Variants in PDCD10 observed in about 807,000 individuals in gnomAD.
PDCD10 encodes the protein programmed cell death 10.
In PDCD10, 4 loss-of-function variants were observed where a neutral mutation model predicts 29.2. The ratio of observed to expected loss-of-function variants is 0.14; its 90% confidence interval spans 0.07 to 0.31. PDCD10 has a LOEUF of 0.31. PDCD10 is among the 10% of genes least tolerant of loss of function. The pLI is 1.00. For synonymous variants in PDCD10, 70 were observed against 82.2 expected (o/e 0.85, Z 0.80); for missense variants, 183 against 257.9 (o/e 0.71, Z 1.99).
chr3:167,689,715 G>A (rs1327646438), intron 6 of PDCD10, among the ~76,000 whole-genome samples: 1 of 152,092 alleles, frequency 6.6e-6, no homozygotes, highest in Non-Finnish European at 1.5e-5. Context: ...TGATGAGTCA[G>A]GTTTGAAAAC....
At chr3:167,715,694 A>G (rs1722936398) in intron 3 of PDCD10, among the ~76,000 whole-genome samples, 1 of 152,092 alleles carries the variant, frequency 6.6e-6, no homozygotes, top group South Asian at 2.1e-4. Context: ...AGAAATGAAA[A>G]TCAAAACTAC....
chr3:167,709,672 A>C (rs1722336285), intron 3 of PDCD10, among the ~76,000 whole-genome samples: 1 of 152,190 alleles, frequency 6.6e-6, no homozygotes, highest in South Asian at 2.1e-4. Flanking sequence ...CAAGGACTGC[A>C]ATTCCTGGAC....
chr3:167,730,195 C>T (rs752668440), intron 2 of PDCD10, among the ~76,000 whole-genome samples: 4 of 151,312 alleles, frequency 2.6e-5, no homozygotes, highest in Non-Finnish European at 5.9e-5. Flanking sequence ...AATAAATGTG[C>T]TTTCATTTTT....
At chr3:167,684,628 T>C (rs1270633219) in intron 8 of PDCD10, among the ~76,000 whole-genome samples, 1 of 152,120 alleles carries the variant, frequency 6.6e-6, no homozygotes, top group Non-Finnish European at 1.5e-5. Flanking sequence ...CTGCTAATGA[T>C]AGTGCCTCAA....
chr3:167,727,900 C>A (rs1724374456), intron 2 of PDCD10, among the ~76,000 whole-genome samples: 1 of 152,190 alleles, frequency 6.6e-6, no homozygotes. Context: ...ACTATTAGCC[C>A]CAGACAATAA....
chr3:167,693,013 A>T (rs1181548161), intron 6 of PDCD10, among the ~76,000 whole-genome samples: 1 of 152,202 alleles, frequency 6.6e-6, no homozygotes, highest in Non-Finnish European at 1.5e-5. Context: ...CCTTTTTTAT[A>T]TTCCTGGCCC....
At chr3:167,688,090 T>G (rs1719822792) in intron 6 of PDCD10, among the ~76,000 whole-genome samples, 1 of 152,248 alleles carries the variant, frequency 6.6e-6, no homozygotes, top group African/African-American at 2.4e-5. Flanking sequence ...CCATGTTCTC[T>G]ACTTTTGTTA....
intron 2 of PDCD10, among the ~76,000 whole-genome samples, chr3:167,720,530 CAGAG>C (rs1723462260): frequency 6.6e-6 from 1 of 152,040 alleles, no homozygotes; most frequent in Non-Finnish European, 1.5e-5. Context: ...AACCTGAACT[CAGAG>C]AGCTCTCTAT....
chr3:167,718,624 A>G (rs1723257864), intron 3 of PDCD10, among the ~76,000 whole-genome samples: 1 of 151,980 alleles, frequency 6.6e-6, no homozygotes. Context: ...AGTCTTGTGT[A>G]GGCCTTTCAA....
chr3:167,705,442 GAACATAT>G (rs1293440474), intron 3 of PDCD10, among the ~76,000 whole-genome samples: 1 of 152,028 alleles, frequency 6.6e-6, no homozygotes, highest in Non-Finnish European at 1.5e-5. Context: ...CAAACCTTAT[GAACATAT>G]ATCATATTAT....
At chr3:167,699,357 C>T (rs553439800) in intron 4 of PDCD10, among the ~76,000 whole-genome samples, 60 of 152,310 alleles carry the variant, frequency 3.9e-4, no homozygotes, top group African/African-American at 1.4e-3. Flanking sequence ...TGTTGAGTAT[C>T]ACTGTACACC....
At chr3:167,701,495 TTTA>T (rs889037252) in intron 4 of PDCD10, among the ~76,000 whole-genome samples, 4 of 152,202 alleles carry the variant, frequency 2.6e-5, no homozygotes, top group African/African-American at 9.7e-5. Flanking sequence ...GCACCTAGCC[TTTA>T]TTATTATTGT....
At chr3:167,721,808 A>G (rs1332403823) in intron 2 of PDCD10, among the ~76,000 whole-genome samples, 1 of 152,222 alleles carries the variant, frequency 6.6e-6, no homozygotes, top group Non-Finnish European at 1.5e-5. Context: ...GGGAAAAAGA[A>G]TACCATTACC....
chr3:167,722,797 T>C (rs1249407941), intron 2 of PDCD10, among the ~76,000 whole-genome samples: 2 of 152,206 alleles, frequency 1.3e-5, no homozygotes, highest in Admixed American at 1.3e-4. Flanking sequence ...CTTTCAGAAT[T>C]ACTGCTGACA....
chr3:167,697,786 T>C (rs1329184671), intron 4 of PDCD10: 2 of 350,678 alleles, frequency 5.7e-6, no homozygotes, highest in Non-Finnish European at 1.1e-5. Flanking sequence ...CTATGTTACT[T>C]AGACTCCCCA....
chr3:167,720,697 G>T (rs1417726744), intron 2 of PDCD10, among the ~76,000 whole-genome samples: 1 of 151,938 alleles, frequency 6.6e-6, no homozygotes, highest in Non-Finnish European at 1.5e-5. Context: ...CCAAATCGAA[G>T]AATCAATAAA....
At chr3:167,718,222 T>C (rs1196619953) in intron 3 of PDCD10, among the ~76,000 whole-genome samples, 3 of 152,130 alleles carry the variant, frequency 2.0e-5, no homozygotes, top group Non-Finnish European at 4.4e-5. Context: ...CTTGCTTAAA[T>C]ATCTGTGTTT....
chr3:167,723,173 TG>T (rs1404787291), intron 2 of PDCD10, among the ~76,000 whole-genome samples: 1 of 152,238 alleles, frequency 6.6e-6, no homozygotes, highest in African/African-American at 2.4e-5. Flanking sequence ...ATTGAATTAC[TG>T]TCAATTTCAA....
At chr3:167,697,828 T>G in intron 4 of PDCD10, 1 of 422,480 alleles carries the variant, frequency 2.4e-6, no homozygotes. Context: ...ATTTCAAGAC[T>G]GGGCATAGAG....
Sources: allele counts gnomAD v4.1 joint callset (sites outside exome capture counted in the v4.1 genomes callset), GRCh38; gene constraint gnomAD v4.1.1; transcripts MANE v1.5; gene names NCBI Gene and HGNC (gene_info 2026-07-23, HGNC 2026-07-21).